CASS4: variants seen among roughly 807,000 people sequenced by gnomAD.
CASS4 encodes cas scaffolding protein family member 4.
Under a neutral mutation model 54.2 loss-of-function variants are expected in CASS4, and 22 were observed. The ratio of observed to expected loss-of-function variants is 0.41; its 90% CI spans 0.29 to 0.58. The LOEUF is 0.58. Among genes scored for constraint, CASS4 ranks in the 20% least tolerant of loss-of-function variants. CASS4 has a pLI of 0.36. For missense variants in CASS4, 854 were observed against 986.7 expected, an observed-to-expected ratio of 0.87 and a Z score of 1.80; for synonymous variants, 409 against 391.5, an observed-to-expected ratio of 1.04 and a Z score of -0.53.
Position 56,452,744 on chromosome 20 carries a change from T to G in CASS4, c.1568T>G (p.Ile523Ser). ...AGAATTCGGGACCAGATGCAGACCA[T>G]CTCCAACTCCTACCGCATCCTGCTT... ...QNRIRDQMQT[I>S]SNSYRILLET... Residue 523 changes from isoleucine (I) to serine (S), a missense_variant, in exon 5 of 6, where the codon ATC (isoleucine) becomes AGC (serine). By Grantham distance (142) the Ile-to-Ser change is moderately radical (BLOSUM62 -2). Transcript: ENST00000679887. 1 of 1,614,010 alleles carries G rather than the reference T, an allele frequency of 6.2e-7. No individual in the cohort carries two copies.
At chr20:56,449,683 T>A (rs893678107) in intron 3 of CASS4, among the ~76,000 whole-genome samples, 4 of 151,572 alleles carry the variant, frequency 2.6e-5, no homozygotes, top group Non-Finnish European at 4.4e-5. Context: ...TAAAATAAAA[T>A]AAAAAAGATT....
Position 56,458,459 on chromosome 20 carries a change from C to T in CASS4, c.2073C>T (p.His691=), listed in dbSNP as rs1442960101. The part of the protein sequence containing the change: ...GALFKAISAF[H]GSLSSSQPAE... ...TCTTCAAAGCCATCAGCGCATTTCA[C>T]GGCAGCCTCAGCAGCAGCCAGCCCG... The change falls in exon 6 of 6, where the codon CAC becomes CAT. Residue 691 remains histidine, a synonymous_variant. Transcript: ENST00000679887. The T allele has an allele frequency of 1.6e-5, 26 of 1,614,206 alleles. No homozygotes were observed. Among genetic ancestry groups the T allele is most frequent in the Non-Finnish European group, 1.9e-5 (23 of 1,180,044 alleles).
chr20:56,452,133 C>T lies in CASS4; in HGVS notation c.957C>T (p.Gly319=). The T allele has an allele frequency of 6.2e-7, 1 of 1,614,198 alleles. No homozygotes were observed. Among genetic ancestry groups the T allele is most frequent in the African/African-American group, 1.3e-5 (1 of 75,042 alleles). Residue 319 remains glycine, a synonymous_variant, in exon 5 of 6, where the codon GGC becomes GGT. Coordinates refer to ENST00000679887, the MANE Select transcript of CASS4 (RefSeq NM_020356.4). ...CTTATGGCTTTCTTGTACCCAGAGGCACATTTCCTTTGGATGAAGATGTCA... is the reference window on the plus strand; with the variant it reads ...CTTATGGCTTTCTTGTACCCAGAGGTACATTTCCTTTGGATGAAGATGTCA... The part of the protein sequence containing the change: ...IPSYGFLVPR[G]TFPLDEDVSY...
intron 1 of CASS4, among the ~76,000 whole-genome samples, chr20:56,427,535 T>G (rs1458854485): frequency 6.6e-6 from 1 of 152,180 alleles, no homozygotes; most frequent in East Asian, 1.9e-4. Context: ...AGGGAGACTA[T>G]TTACTTGAAA....
At position 56,452,036 on chromosome 20, in the gene CASS4, C is replaced by A; in HGVS notation, c.860C>A (p.Ser287Tyr). The change falls in exon 5 of 6, where the codon TCC (serine) becomes TAC (tyrosine). Residue 287 changes from serine (S) to tyrosine (Y), a missense_variant. Transcript: ENST00000679887. ...STFYNPPSGR[S>Y]RSLTPQLNNN... ...TTCTACAATCCTCCAAGTGGCAGAT[C>A]CAGGTCCCTCACTCCACAACTGAAT... 2.5e-6 allele frequency: 4 copies of A among 1,614,202 alleles called. No homozygotes were observed. Among genetic ancestry groups the A allele is most frequent in the Non-Finnish European group, 2.5e-6 (3 of 1,180,036 alleles).
chr20:56,443,867 C>T (rs1461225362), intron 2 of CASS4, among the ~76,000 whole-genome samples: 1 of 152,194 alleles, frequency 6.6e-6, no homozygotes, highest in African/African-American at 2.4e-5. Context: ...CTGTCAATGA[C>T]TCAGATCCCC....
intron 2 of CASS4, among the ~76,000 whole-genome samples, chr20:56,442,769 C>CT (rs1980520683): frequency 6.6e-6 from 1 of 151,820 alleles, no homozygotes; most frequent in Non-Finnish European, 1.5e-5. Flanking sequence ...GGTGAAACTG[C>CT]TTTTGGATCC....
Position 56,412,559 on chromosome 20 carries a change from TG to T in CASS4, c.36+66del. 2 of 1,533,832 alleles carry T rather than the reference TG, an allele frequency of 1.3e-6. No homozygotes were observed. The highest frequency in any genetic ancestry group is 1.8e-6 in the Non-Finnish European group (2 of 1,120,980). ...AGCAAGCTGTGATGATTAAGGGTGT[TG>T]ACCAGCTTTAGTTGTGACTTTCTAA... On this transcript the variant is annotated intron_variant, in intron 1 of 5. Coordinates refer to ENST00000679887, the MANE Select transcript of CASS4 (RefSeq NM_020356.4). The surrounding 1 kb of genome is among the most constrained non-coding windows in gnomAD (Gnocchi z 4.2).
At chr20:56,441,379 T>C (rs796132816) in intron 2 of CASS4, among the ~76,000 whole-genome samples, 123 of 150,274 alleles carry the variant, frequency 8.2e-4, no homozygotes, top group African/African-American at 2.9e-3. Flanking sequence ...CCAAGGCGGG[T>C]GGATCACCTG....
upstream of CASS4, chr20:56,412,136 C>G: frequency 2.3e-5 from 8 of 354,022 alleles, no homozygotes; most frequent in East Asian, 1.5e-4. This position sits in a 1 kb window ranked among gnomAD's most constrained non-coding sequence, Gnocchi z 4.2. Flanking sequence ...TTTTCTTCTT[C>G]TTCTTCTTTT....
chr20:56,417,844 A>G (rs535486512), intron 1 of CASS4, among the ~76,000 whole-genome samples: 2 of 152,154 alleles, frequency 1.3e-5, no homozygotes, highest in South Asian at 2.1e-4. Context: ...TCTCTTGACA[A>G]TTGTCCCCCT....
chr20:56,449,268 A>G (rs920404353), intron 3 of CASS4, among the ~76,000 whole-genome samples: 10 of 152,266 alleles, frequency 6.6e-5, no homozygotes, highest in Non-Finnish European at 1.0e-4. Context: ...ACCATGGAAT[A>G]CTATGCAGCC....
chr20:56,447,930 C>G (rs905051785), intron 3 of CASS4, among the ~76,000 whole-genome samples: 1 of 152,298 alleles, frequency 6.6e-6, no homozygotes, highest in East Asian at 1.9e-4. Flanking sequence ...ATCACGAGGT[C>G]AGGAGGTGGA....
At chr20:56,439,492 G>A (rs1980356386) in intron 2 of CASS4, among the ~76,000 whole-genome samples, 2 of 151,830 alleles carry the variant, frequency 1.3e-5, no homozygotes, top group East Asian at 2.0e-4. Flanking sequence ...GCAACATAGT[G>A]AGACCTCATC....
intron 5 of CASS4, chr20:56,453,657 C>T (rs1014378208): frequency 9.8e-5 from 15 of 153,768 alleles, no homozygotes; most frequent in East Asian, 1.9e-4. Context: ...GGGAGGCCAA[C>T]GCAGGAGGAT....
At position 56,437,718 on chromosome 20, in the gene CASS4, G is replaced by T. The variant is rs972254100; in HGVS notation, c.459+132G>T. Reference sequence around the variant, plus strand: ...GGGAGCCCAGATTGCTGGCAATCACGCTCGGGGAGCTTGTGTGCCAGGTTG... The same window carrying T: ...GGGAGCCCAGATTGCTGGCAATCACTCTCGGGGAGCTTGTGTGCCAGGTTG... On this transcript the variant is annotated intron_variant, in intron 2 of 5. Transcript: ENST00000679887. The surrounding 1 kb of genome is among the most constrained non-coding windows in gnomAD (Gnocchi z 4.7). 2 of 816,256 alleles carry T rather than the reference G, an allele frequency of 2.5e-6. No homozygotes were observed. The highest frequency in any genetic ancestry group is 1.7e-5 in the African/African-American group (1 of 57,176). 50.6% of individuals were successfully genotyped at this position (816,256 alleles called of 1,614,324 possible).
chr20:56,413,886 T>C (rs368582691), intron 1 of CASS4, among the ~76,000 whole-genome samples: 14 of 152,142 alleles, frequency 9.2e-5, no homozygotes, highest in East Asian at 3.9e-4. Flanking sequence ...ACCTAGATCA[T>C]TGGTTTCTGG....
In CASS4 at chr20:56,437,369, C is replaced by A; in HGVS notation, c.242C>A (p.Pro81His). 6.2e-7 allele frequency: 1 copy of A among 1,614,102 alleles called. No homozygotes were observed. Among genetic ancestry groups the A allele is most frequent in the South Asian group, 1.1e-5 (1 of 91,076 alleles). ...GAGGTCGCTGCAGACAGGCCGTGCC[C>A]CCCATTCCTGAGAGGCCTGGAAGAA... ...LTEVAADRPCPPFLRGLEEAP... is the reference protein window; with the variant it reads ...LTEVAADRPCHPFLRGLEEAP... The change falls in exon 2 of 6, where the codon CCC becomes CAC. Residue 81 changes from proline (P) to histidine (H), a missense_variant. Pro to His is a moderately conservative substitution (Grantham distance 77). Coordinates refer to ENST00000679887, the MANE Select transcript of CASS4 (RefSeq NM_020356.4). The surrounding 1 kb of genome is among the most constrained non-coding windows in gnomAD (Gnocchi z 4.7).
At chr20:56,450,782 C>A in intron 4 of CASS4, 103 bp downstream of exon 4, 2 of 1,104,364 alleles carry the variant, frequency 1.8e-6, no homozygotes, top group Non-Finnish European at 2.7e-6. Flanking sequence ...GCCTGTAATC[C>A]CAGCACTTTG....
Sources: allele counts gnomAD v4.1 joint callset (sites outside exome capture counted in the v4.1 genomes callset), GRCh38; gene constraint gnomAD v4.1.1; non-coding constraint Gnocchi (gnomAD v3.1); transcripts MANE v1.5; gene names NCBI Gene and HGNC (gene_info 2026-07-23, HGNC 2026-07-21).